The following IGF2R variants were observed in gnomAD, a reference collection of about 807,000 sequenced individuals.
IGF2R encodes insulin like growth factor 2 receptor, also known as cation-independent mannose-6-phosphate receptor.
A neutral mutation model predicts 270.6 loss-of-function variants in IGF2R; 91 were observed. That is an observed-to-expected ratio of 0.34 (90% CI 0.28 to 0.40). The LOEUF is 0.40. Ranked by LOEUF, IGF2R falls within the 10% of genes least tolerant of loss-of-function variation. IGF2R has a pLI of 1.00. For missense variants in IGF2R, 2,805 were observed against 3,188.3 expected (o/e 0.88, Z 2.90); for synonymous variants, 1,316 against 1,258.9 (o/e 1.05, Z -0.96).
At chr6:160,009,479 C>A (rs1005946896) in intron 3 of IGF2R, among the ~76,000 whole-genome samples, 1 of 152,058 alleles carries the variant, frequency 6.6e-6, no homozygotes, top group Non-Finnish European at 1.5e-5. Flanking sequence ...GGTTTTAGGG[C>A]AGCATATTTA....
intron 9 of IGF2R, among the ~76,000 whole-genome samples, chr6:160,033,539 A>T (rs1777747798): frequency 6.6e-6 from 1 of 152,382 alleles, no homozygotes; most frequent in Non-Finnish European, 1.5e-5. Flanking sequence ...CAGTTACTCC[A>T]GCATTCCTTC....
In IGF2R at chr6:160,009,055, A is replaced by G. The variant is rs368203999; in HGVS notation, c.335A>G (p.Asn112Ser). 2.5e-6 allele frequency: 4 copies of G among 1,613,894 alleles called. No homozygotes were observed. Among genetic ancestry groups the G allele is most frequent in the Non-Finnish European group, 3.4e-6 (4 of 1,179,890 alleles). The change falls in exon 3 of 48, where the codon AAC becomes AGC. Residue 112 changes from asparagine to serine, a missense_variant. Physicochemically the swap from Asn to Ser is conservative, Grantham distance 46. Coordinates refer to ENST00000356956, the MANE Select transcript of IGF2R (RefSeq NM_000876.4). ...RSATRSLLEFNTTVSCDQQGT... is the reference protein window; with the variant it reads ...RSATRSLLEFSTTVSCDQQGT... ...GCAACCAGATCTCTCCTGGAATTCA[A>G]CACAACAGTGAGCTGTGACCAGCAA...
chr6:160,045,721 C>T, intron 13 of IGF2R, 24 bp from the exon 14 acceptor site: 2 of 1,613,590 alleles, frequency 1.2e-6, no homozygotes, highest in Non-Finnish European at 8.5e-7. Flanking sequence ...ATTAGTGATC[C>T]CCATCTCTTT....
chr6:160,043,197 G>A lies in IGF2R; in HGVS notation c.1530G>A (p.Glu510=), dbSNP rs773210252. The A allele has an allele frequency of 6.2e-7, 1 of 1,614,176 alleles. No homozygotes were observed. Among genetic ancestry groups the A allele is most frequent in the East Asian group, 2.2e-5 (1 of 44,886 alleles). The change falls in exon 12 of 48, where the codon GAG becomes GAA. Residue 510 remains glutamate, a synonymous_variant. Coordinates refer to ENST00000356956, the MANE Select transcript of IGF2R (RefSeq NM_000876.4). The part of the protein sequence containing the change: ...EAVDGSQTET[E]KKHFFINICH... ...TGGATGGCAGTCAGACGGAAACAGA[G>A]AAGAAGCATTTTTTCATTAATATTT...
intron 6 of IGF2R, among the ~76,000 whole-genome samples, chr6:160,028,745 G>T (rs1777619412): frequency 2.0e-5 from 3 of 152,036 alleles, no homozygotes; most frequent in African/African-American, 7.3e-5. Flanking sequence ...CAAAACTTTT[G>T]GCTGGCACTT....
In IGF2R at chr6:160,080,204, G is replaced by A. The variant is rs1562371245; in HGVS notation, c.5762G>A (p.Ser1921Asn). The change falls in exon 39 of 48, where the codon AGC becomes AAC. Residue 1921 changes from serine to asparagine, a missense_variant. Coordinates refer to ENST00000356956, the MANE Select transcript of IGF2R (RefSeq NM_000876.4). ...GKSYEECIIE[S>N]RAKLWCSTTA... ...AGCTACGAGGAGTGCATCATAGAGA[G>A]CAGGGCGAAGCTGTGGTGTAGCACA... 2 of 1,614,210 alleles carry A rather than the reference G, an allele frequency of 1.2e-6. No homozygotes were observed. The highest frequency in any genetic ancestry group is 1.7e-6 in the Non-Finnish European group (2 of 1,180,024).
chr6:160,075,256 T>C (rs745976865), intron 35 of IGF2R, among the ~76,000 whole-genome samples: 35 of 152,258 alleles, frequency 2.3e-4, no homozygotes, highest in Non-Finnish European at 5.0e-4. Flanking sequence ...TATTTATTTG[T>C]TTATTCACTC....
intron 29 of IGF2R, among the ~76,000 whole-genome samples, chr6:160,067,068 G>A (rs1160250096): frequency 1.3e-5 from 2 of 152,202 alleles, no homozygotes; most frequent in Admixed American, 1.3e-4. Context: ...AATGCAGTGA[G>A]CGCCCATCTC....
At chr6:160,012,761 A>ATT (rs1784355433) in intron 4 of IGF2R, among the ~76,000 whole-genome samples, 1 of 72,598 alleles carries the variant, frequency 1.4e-5, no homozygotes, top group African/African-American at 4.9e-5. Flanking sequence ...ATATATATAT[A>ATT]TATTTTTTTT....
intron 4 of IGF2R, among the ~76,000 whole-genome samples, chr6:160,015,432 G>A (rs561841142): frequency 6.6e-6 from 1 of 152,240 alleles, no homozygotes; most frequent in South Asian, 2.1e-4. Context: ...TCCTTTCTGG[G>A]CTTGAGTTCT....
At chr6:160,047,493 GTTTA>G (rs1778095403) in intron 16 of IGF2R, among the ~76,000 whole-genome samples, 157 bp downstream of exon 16, 1 of 152,132 alleles carries the variant, frequency 6.6e-6, no homozygotes, top group African/African-American at 2.4e-5. Context: ...ATTTTAAGCT[GTTTA>G]TTTAGTGGGT....
At chr6:160,067,833 C>G (rs1198610477) in intron 29 of IGF2R, among the ~76,000 whole-genome samples, 1 of 152,242 alleles carries the variant, frequency 6.6e-6, no homozygotes, top group African/African-American at 2.4e-5. Context: ...TTTTAAACAA[C>G]AGGTGGCGTG....
intron 45 of IGF2R, among the ~76,000 whole-genome samples, chr6:160,099,760 C>T (rs962767745): frequency 6.6e-6 from 1 of 152,198 alleles, no homozygotes; most frequent in Non-Finnish European, 1.5e-5. Flanking sequence ...TTGAAGGAAA[C>T]TGTCAGCGAC....
chr6:160,047,132 G>T, intron 15 of IGF2R, 27 bp from the exon 16 acceptor site: 1 of 1,609,630 alleles, frequency 6.2e-7, no homozygotes. Context: ...TCAGGTCTTT[G>T]CTGAGAGAAA....
At chr6:160,047,064 CCT>C in intron 15 of IGF2R, 93 bp from the exon 16 acceptor site, 3 of 1,168,120 alleles carry the variant, frequency 2.6e-6, no homozygotes, top group Non-Finnish European at 3.8e-6. Flanking sequence ...TCTGGTGACT[CCT>C]CACGTCGCTC....
In IGF2R at chr6:160,045,809, G is replaced by A. The variant is rs747096424; in HGVS notation, c.1830G>A (p.Glu610=). 6.2e-6 allele frequency: 10 copies of A among 1,613,878 alleles called. No homozygotes were observed. The East Asian group carries it at 1.1e-4, about 18-fold the overall frequency. Residue 610 remains glutamate (E), a synonymous_variant, in exon 14 of 48, where the codon GAG becomes GAA. Transcript: ENST00000356956. ...AAGGCGGTTGCTTTTATGAGTTTGA[G>A]TGGCACACAGCTGCGGCCTGTGTGC... The part of the protein sequence containing the change: ...SGEGGCFYEF[E]WHTAAACVLS...
intron 2 of IGF2R, among the ~76,000 whole-genome samples, chr6:159,999,036 G>A (rs1168801288): frequency 6.6e-6 from 1 of 152,180 alleles, no homozygotes; most frequent in Admixed American, 6.5e-5. Flanking sequence ...GTCCAAGGAA[G>A]TTGAGAGGCT....
In IGF2R at chr6:160,058,067, T is replaced by G. The variant is rs1401693720; in HGVS notation, c.2841T>G (p.Leu947=). The G allele has an allele frequency of 6.2e-7, 1 of 1,613,806 alleles. No homozygotes were observed. Among genetic ancestry groups the G allele is most frequent in the Non-Finnish European group, 8.5e-7 (1 of 1,179,774 alleles). Reference sequence around the variant, plus strand: ...CCAACAGTGGATTTGTGTTTAATCTTAATCCGCTAAACAGTTCGCAAGGAT... The same window carrying G: ...CCAACAGTGGATTTGTGTTTAATCTGAATCCGCTAAACAGTTCGCAAGGAT... ...RDPNSGFVFN[L]NPLNSSQGYN... The change falls in exon 21 of 48, where the codon CTT becomes CTG. Residue 947 remains leucine, a synonymous_variant. Coordinates refer to ENST00000356956, the MANE Select transcript of IGF2R (RefSeq NM_000876.4).
intron 21 of IGF2R, 91 bp from the exon 22 acceptor site, chr6:160,058,815 C>A: frequency 1.8e-6 from 2 of 1,108,102 alleles, no homozygotes; most frequent in Non-Finnish European, 2.7e-6. Context: ...AAATGTTTAA[C>A]CTAGTGGGAT....
Sources: gnomAD v4.1 joint callset for allele counts (sites outside exome capture counted in the v4.1 genomes callset) on GRCh38, gnomAD v4.1.1 for gene constraint, MANE v1.5 for transcripts, NCBI Gene and HGNC (gene_info 2026-07-23, HGNC 2026-07-21) for gene names.